Variants in PTCD3 observed in about 807,000 individuals in gnomAD.
The protein encoded by PTCD3 is pentatricopeptide repeat domain 3, also known as small ribosomal subunit protein mS39.
A neutral mutation model predicts 101.9 loss-of-function variants in PTCD3; 89 were observed. That is an observed-to-expected ratio of 0.87 (90% confidence interval 0.74 to 1.04). PTCD3 has a LOEUF of 1.04. Among genes scored for constraint, PTCD3 ranks in the 50% least tolerant of loss-of-function variants. The pLI is 0.00. For missense variants in PTCD3, 870 were observed against 828.2 expected (o/e 1.05, Z -0.62); for synonymous variants, 296 against 278.5 (o/e 1.06, Z -0.63).
At position 86,141,872 on chromosome 2, in the gene PTCD3, C is replaced by G. The variant is rs1674691943; in HGVS notation, c.*4313C>G. 1 of 152,224 alleles carries G rather than the reference C, an allele frequency of 6.6e-6. No individual in the cohort carries two copies. Among genetic ancestry groups the G allele is most frequent in the Non-Finnish European group, 1.5e-5 (1 of 68,060 alleles). 9.4% of individuals were successfully genotyped at this position (152,224 alleles called of 1,614,324 possible). A position where few individuals can be genotyped will look rare whatever the true frequency, so the allele number is the denominator to read the frequency against. Reference sequence around the variant, plus strand: ...GGCTATATCCACCTCCCGGATAACCCTGGCCCTTGGGACTCCATCATCTCC... The same window carrying G: ...GGCTATATCCACCTCCCGGATAACCGTGGCCCTTGGGACTCCATCATCTCC... On this transcript the variant is annotated 3_prime_UTR_variant, in exon 24 of 24. Transcript: ENST00000254630.
rs765198594 is a variant in PTCD3, at chr2:86,108,387, G to A, written c.142G>A (p.Gly48Arg). 3 of 1,608,244 alleles carry A rather than the reference G, an allele frequency of 1.9e-6. No homozygotes were observed. The highest frequency in any genetic ancestry group is 2.5e-6 in the Non-Finnish European group (3 of 1,177,914). Residue 48 changes from glycine (G) to arginine (R), a missense_variant, in exon 2 of 24, where the codon GGA becomes AGA. Gly to Arg is a moderately radical substitution (Grantham distance 125). Coordinates refer to ENST00000254630, the MANE Select transcript of PTCD3 (RefSeq NM_017952.6). ...TAGTGCAACCCTCTCAAAGGTTGAA[G>A]GAACTGATGTAACAGGTATATTTTA... ...SGSATLSKVE[G>R]TDVTGIEEVV...
intron 7 of PTCD3, 152 bp downstream of exon 7, chr2:86,119,196 C>T (rs899686748): frequency 1.4e-5 from 14 of 1,004,048 alleles, no homozygotes; most frequent in Non-Finnish European, 2.0e-5. Context: ...TAGTTTATTT[C>T]ATTTTTAGCT....
Position 86,125,087 on chromosome 2 carries a change from A to T in PTCD3, c.804+5A>T, listed in dbSNP as rs1258520710. 1 of 1,612,740 alleles carries T rather than the reference A, an allele frequency of 6.2e-7. No individual in the cohort carries two copies. Among genetic ancestry groups the T allele is most frequent in the Non-Finnish European group, 8.5e-7 (1 of 1,179,686 alleles). ...ATGATCCGAGGAATGGTGAAGGTAC[A>T]TTTGTTTTATTTATTTTTGTCTTTC... On this transcript the variant is annotated splice_donor_5th_base_variant and intron_variant, in intron 10 of 23. Coordinates refer to ENST00000254630, the MANE Select transcript of PTCD3 (RefSeq NM_017952.6).
intron 5 of PTCD3, 23 bp from the exon 6 acceptor site, chr2:86,117,032 T>G (rs1223903315): frequency 4.3e-6 from 4 of 925,660 alleles, no homozygotes; most frequent in Non-Finnish European, 7.2e-6. Context: ...ATTACATGTA[T>G]TTAAATCTTT....
chr2:86,106,995 T>A (rs978977717), intron 1 of PTCD3: 14 of 380,466 alleles, frequency 3.7e-5, no homozygotes, highest in Non-Finnish European at 7.1e-5. Context: ...TTCACTTAAT[T>A]GGATGATAAT....
At chr2:86,106,815 G>C (rs1673962426) in intron 1 of PTCD3, among the ~76,000 whole-genome samples, 1 of 152,230 alleles carries the variant, frequency 6.6e-6, no homozygotes, top group African/African-American at 2.4e-5. Context: ...AAGTCTAAAA[G>C]ATCTGACTAT....
chr2:86,108,368 A>G lies in PTCD3; in HGVS notation c.123A>G (p.Ala41=). 6.2e-7 allele frequency: 1 copy of G among 1,609,130 alleles called. No individual in the cohort carries two copies. Among genetic ancestry groups the G allele is most frequent in the Non-Finnish European group, 8.5e-7 (1 of 1,178,298 alleles). ...TTTGCAGATTTTATTCTGGTAGTGC[A>G]ACCCTCTCAAAGGTTGAAGGAACTG... is the stretch of plus-strand genomic sequence containing the variant. ...ARSCRFYSGS[A]TLSKVEGTDV... The change falls in exon 2 of 24, where the codon GCA becomes GCG. Residue 41 remains alanine (A), a synonymous_variant. Coordinates refer to ENST00000254630, the MANE Select transcript of PTCD3 (RefSeq NM_017952.6).
intron 6 of PTCD3, 79 bp downstream of exon 6, chr2:86,117,238 AGTAGCTAT>A (rs753932735): frequency 3.2e-4 from 195 of 616,772 alleles, no homozygotes; most frequent in Middle Eastern, 6.3e-4. Context: ...CTAATATTTC[AGTAGCTAT>A]TTGAATACCC....
intron 10 of PTCD3, 104 bp from the exon 11 acceptor site, chr2:86,125,351 C>A: frequency 2.4e-6 from 3 of 1,252,628 alleles, no homozygotes; most frequent in Non-Finnish European, 3.5e-6. Flanking sequence ...AGAACAGGAG[C>A]CTGATCTATT....
At position 86,118,917 on chromosome 2, in the gene PTCD3, C is replaced by G; in HGVS notation, c.415-4C>G. 1 of 1,609,756 alleles carries G rather than the reference C, an allele frequency of 6.2e-7. No individual in the cohort carries two copies. Among genetic ancestry groups the G allele is most frequent in the Non-Finnish European group, 8.5e-7 (1 of 1,178,822 alleles). On this transcript the variant is annotated splice_region_variant and splice_polypyrimidine_tract_variant and intron_variant, in intron 6 of 23. Coordinates refer to ENST00000254630, the MANE Select transcript of PTCD3 (RefSeq NM_017952.6). ...TAGTAACTTTAGTCATCTTGTTTTC[C>G]TAGTGTTTAATGCCTGAGTACTTTG...
Position 86,134,859 on chromosome 2 carries a change from CTG to C in PTCD3, c.1653_1654del (p.Ala552CysfsTer2). The C allele has an allele frequency of 6.2e-7, 1 of 1,614,126 alleles. No homozygotes were observed. Among genetic ancestry groups the C allele is most frequent in the African/African-American group, 1.3e-5 (1 of 75,044 alleles). ...PPELQVAFAD[C>X]AADIKSAYES... ...CTCAGCTTCAGGTGGCATTTGCTGA[CTG>C]TGCTGCTGATATCAAATCTGCGTAT... On this transcript the variant is annotated frameshift_variant, in exon 21 of 24. Transcript: ENST00000254630. LOFTEE classifies it high-confidence loss of function.
intron 21 of PTCD3, among the ~76,000 whole-genome samples, chr2:86,135,466 G>T (rs1674568332): frequency 6.6e-6 from 1 of 152,146 alleles, no homozygotes; most frequent in East Asian, 1.9e-4. Context: ...GTCCTTGATT[G>T]GTGCCACTGT....
At chr2:86,131,607 A>G (rs1477441381) in intron 16 of PTCD3, among the ~76,000 whole-genome samples, 4 of 152,226 alleles carry the variant, frequency 2.6e-5, no homozygotes, top group Admixed American at 2.6e-4. Context: ...ATAAGCTTCC[A>G]TAATATTTCA....
intron 4 of PTCD3, among the ~76,000 whole-genome samples, 155 bp downstream of exon 4, chr2:86,111,313 G>A (rs1372247303): frequency 6.6e-6 from 1 of 152,166 alleles, no homozygotes; most frequent in Non-Finnish European, 1.5e-5. Flanking sequence ...TCTAGGCCGG[G>A]CGCGGTGGCT....
rs1304508515 is a variant in PTCD3, at chr2:86,108,493, A to G, written c.158-7A>G. The stretch of plus-strand genomic sequence containing the variant: ...GAAACTGATTCATGTTTTCTTTTTT[A>G]CATTAGGGATTGAAGAAGTAGTAAT... On this transcript the variant is annotated splice_region_variant and splice_polypyrimidine_tract_variant and intron_variant, in intron 2 of 23. Coordinates refer to ENST00000254630, the MANE Select transcript of PTCD3 (RefSeq NM_017952.6). 2 of 1,592,902 alleles carry G rather than the reference A, an allele frequency of 1.3e-6. No individual in the cohort carries two copies. Among genetic ancestry groups the G allele is most frequent in the Non-Finnish European group, 8.5e-7 (1 of 1,174,216 alleles).
intron 4 of PTCD3, among the ~76,000 whole-genome samples, chr2:86,114,358 G>T (rs941299371): frequency 3.3e-5 from 5 of 151,754 alleles, no homozygotes; most frequent in Non-Finnish European, 7.4e-5. Flanking sequence ...CGCAATCTCA[G>T]CTCACTGCAA....
chr2:86,135,860 T>A (rs779256702), intron 21 of PTCD3: 1 of 509,642 alleles, frequency 2.0e-6, no homozygotes. Context: ...TGGCACACAC[T>A]TGATACAACC....
chr2:86,123,648 A>G, intron 8 of PTCD3, 53 bp from the exon 9 acceptor site: 1 of 1,342,420 alleles, frequency 7.4e-7, no homozygotes, highest in Admixed American at 2.3e-5. Flanking sequence ...TCTGACTGGG[A>G]AATGCATTCC....
chr2:86,124,327 T>G (rs1227584023), intron 9 of PTCD3, among the ~76,000 whole-genome samples: 2 of 152,198 alleles, frequency 1.3e-5, no homozygotes, highest in East Asian at 3.8e-4. Context: ...GATGAAAGAT[T>G]AAATTCCTTG....
Sources: gnomAD v4.1 joint callset for allele counts (sites outside exome capture counted in the v4.1 genomes callset) on GRCh38, gnomAD v4.1.1 for gene constraint, MANE v1.5 for transcripts, NCBI Gene and HGNC (gene_info 2026-07-23, HGNC 2026-07-21) for gene names.